CTNNA3: variants seen among roughly 807,000 people sequenced by gnomAD.
The protein encoded by CTNNA3 is catenin alpha 3, also known as catenin alpha-3.
A neutral mutation model predicts 95.7 loss-of-function variants in CTNNA3; 76 were observed. The observed-to-expected ratio is 0.79, with a 90% CI of 0.66 to 0.96. CTNNA3 has a LOEUF of 0.96. CTNNA3 is among the 40% of genes least tolerant of loss of function. The pLI is 0.00. For synonymous variants in CTNNA3, 431 were observed against 374.4 expected (o/e 1.15, Z -1.74); for missense variants, 1,191 against 1,089.8 (o/e 1.09, Z -1.31).
intron 7 of CTNNA3, among the ~76,000 whole-genome samples, chr10:67,173,078 C>T (rs1291032568): frequency 1.3e-5 from 2 of 152,082 alleles, no homozygotes; most frequent in East Asian, 3.9e-4. Flanking sequence ...CTCTGTGAAG[C>T]CAAATATTCT....
At chr10:66,958,922 T>C (rs1848975730) in intron 7 of CTNNA3, among the ~76,000 whole-genome samples, 1 of 152,134 alleles carries the variant, frequency 6.6e-6, no homozygotes, top group Admixed American at 6.6e-5. Flanking sequence ...AGGTCAGATA[T>C]CATTTAACTT....
At chr10:66,240,997 C>T (rs1169315107) in intron 13 of CTNNA3, among the ~76,000 whole-genome samples, 1 of 151,720 alleles carries the variant, frequency 6.6e-6, no homozygotes, top group African/African-American at 2.4e-5. Context: ...AGGACAAAAA[C>T]AATGTTTTGC....
intron 7 of CTNNA3, among the ~76,000 whole-genome samples, chr10:67,025,070 G>A (rs150159750): frequency 0.013 from 1,881 of 149,796 alleles, 35 homozygotes; most frequent in African/African-American, 0.038. Context: ...CGGAGGTTGC[G>A]GTGAGCCGAG....
intron 5 of CTNNA3, among the ~76,000 whole-genome samples, chr10:67,301,707 G>A (rs866150598): frequency 1.3e-5 from 2 of 152,240 alleles, no homozygotes; most frequent in Middle Eastern, 3.4e-3. Flanking sequence ...GGTGGCTCAC[G>A]CCTGTAATCC....
chr10:66,776,487 A>C (rs972638081), intron 7 of CTNNA3, among the ~76,000 whole-genome samples: 4 of 152,152 alleles, frequency 2.6e-5, no homozygotes, highest in Non-Finnish European at 5.9e-5. Context: ...CCAATGACTA[A>C]ACTCATGCAT....
intron 11 of CTNNA3, among the ~76,000 whole-genome samples, chr10:66,426,033 T>C (rs1175273884): frequency 1.3e-5 from 2 of 152,116 alleles, no homozygotes; most frequent in Non-Finnish European, 2.9e-5. Context: ...ATTATGTTTG[T>C]GAGAATAATT....
At chr10:66,313,638 T>C (rs1364549712) in intron 12 of CTNNA3, among the ~76,000 whole-genome samples, 3 of 152,188 alleles carry the variant, frequency 2.0e-5, no homozygotes, top group Non-Finnish European at 4.4e-5. Flanking sequence ...TTTGCATGAG[T>C]AGCAACTTCT....
chr10:67,739,241 ACT>A (rs1841320997), intron 1 of CTNNA3, among the ~76,000 whole-genome samples: 2 of 152,076 alleles, frequency 1.3e-5, no homozygotes, highest in South Asian at 4.1e-4. Context: ...AACAGCAGAA[ACT>A]CTACAAGTCA....
At chr10:67,577,406 C>A (rs539374258) in intron 3 of CTNNA3, among the ~76,000 whole-genome samples, 24 of 151,968 alleles carry the variant, frequency 1.6e-4, no homozygotes, top group East Asian at 1.2e-3. Flanking sequence ...ATTTGAGTTC[C>A]TTGTAGATTC....
At chr10:67,503,585 C>T (rs1839301033) in intron 5 of CTNNA3, among the ~76,000 whole-genome samples, 1 of 152,108 alleles carries the variant, frequency 6.6e-6, no homozygotes, top group Non-Finnish European at 1.5e-5. Flanking sequence ...AATTGTTCTT[C>T]AGTGTTGCCA....
chr10:66,574,775 C>T (rs928623437), intron 10 of CTNNA3, among the ~76,000 whole-genome samples: 1 of 152,108 alleles, frequency 6.6e-6, no homozygotes, highest in South Asian at 2.1e-4. Context: ...TCTCTAAAGA[C>T]AGAAATGCAC....
At chr10:67,566,380 T>C (rs1248777279) in intron 3 of CTNNA3, among the ~76,000 whole-genome samples, 1 of 151,458 alleles carries the variant, frequency 6.6e-6, no homozygotes, top group Non-Finnish European at 1.5e-5. Flanking sequence ...CAGACACTTC[T>C]CAAAAGAAGA....
At chr10:66,384,876 A>T (rs758407311) in intron 11 of CTNNA3, among the ~76,000 whole-genome samples, 1 of 152,220 alleles carries the variant, frequency 6.6e-6, no homozygotes, top group African/African-American at 2.4e-5. Context: ...AGAAAAAAAG[A>T]TGTTATTTGA....
chr10:67,417,712 A>C (rs1845593712), intron 5 of CTNNA3, among the ~76,000 whole-genome samples: 1 of 152,196 alleles, frequency 6.6e-6, no homozygotes. Context: ...AATTGGATTA[A>C]ATCCAGTTTG....
At chr10:66,360,724 C>CT (rs1234743534) in intron 12 of CTNNA3, among the ~76,000 whole-genome samples, 1 of 14,280 alleles carries the variant, frequency 7.0e-5, no homozygotes. Flanking sequence ...TCCTTTCTTC[C>CT]TTTCTTTCTT....
intron 7 of CTNNA3, among the ~76,000 whole-genome samples, chr10:67,089,852 A>AT (rs1364603954): frequency 6.6e-6 from 1 of 151,346 alleles, no homozygotes; most frequent in Non-Finnish European, 1.5e-5. Flanking sequence ...CAAGCCTATA[A>AT]TTTTGCCAGA....
At chr10:66,578,394 C>A (rs1164824446) in intron 10 of CTNNA3, among the ~76,000 whole-genome samples, 5 of 151,922 alleles carry the variant, frequency 3.3e-5, no homozygotes, top group Non-Finnish European at 7.4e-5. Flanking sequence ...TGTCTTATTT[C>A]ACTTCTCAAG....
In CTNNA3 at chr10:67,566,041, GTGTATATATATATATATA is replaced by G. The variant is rs1220675890; in HGVS notation, c.293-26390_293-26373del. On this transcript the variant is annotated intron_variant, in intron 3 of 17. Transcript: ENST00000433211. Reference sequence around the variant, plus strand: ...AACACACACACACACATATGTGTGTGTGTATATATATATATATATATATATATATATACAAAACCTAGG... The same window carrying G: ...AACACACACACACACATATGTGTGTGTATATATATATATACAAAACCTAGG... Among the ~76,000 whole-genome samples, 45 of 29,434 alleles carry G rather than the reference GTGTATATATATATATATA, an allele frequency of 1.5e-3. 6 individuals are homozygous for G. The highest frequency in any genetic ancestry group is 6.0e-3 in the African/African-American group (44 of 7,346). 19.3% of individuals were successfully genotyped at this position (29,434 alleles called of 152,430 possible).
intron 7 of CTNNA3, among the ~76,000 whole-genome samples, chr10:66,781,848 C>A (rs1028291132): frequency 3.3e-5 from 5 of 152,082 alleles, no homozygotes; most frequent in African/African-American, 9.7e-5. Context: ...CACAATAACT[C>A]TACACACATT....
Sources: allele counts gnomAD v4.1 joint callset (sites outside exome capture counted in the v4.1 genomes callset), GRCh38; gene constraint gnomAD v4.1.1; transcripts MANE v1.5; gene names NCBI Gene and HGNC (gene_info 2026-07-23, HGNC 2026-07-21).